DUSP16: variants seen among roughly 807,000 people sequenced by gnomAD.
The protein encoded by DUSP16 is dual specificity protein phosphatase 16.
In DUSP16, 21 loss-of-function variants were observed where a neutral mutation model predicts 58.3. The observed-to-expected ratio is 0.36, with a 90% CI of 0.26 to 0.52. The LOEUF is 0.52. Ranked by LOEUF, DUSP16 falls within the 20% of genes least tolerant of loss-of-function variation. The pLI is 0.94. For synonymous variants in DUSP16, 320 were observed against 323.8 expected (o/e 0.99, Z 0.12); for missense variants, 726 against 819.0 (o/e 0.89, Z 1.39).
chr12:12,506,186 CTG>C (rs1413157286), intron 3 of DUSP16: 3 of 152,230 alleles, frequency 2.0e-5, no homozygotes, highest in Non-Finnish European at 2.9e-5. Flanking sequence ...TAAAAACTAA[CTG>C]TGGCCTCACC....
At chr12:12,480,434 C>T (rs1314510383) in intron 5 of DUSP16, 88 bp from the exon 6 acceptor site, 30 of 1,490,962 alleles carry the variant, frequency 2.0e-5, no homozygotes, top group Non-Finnish European at 2.6e-5. Flanking sequence ...CAGTGTCTTC[C>T]ACCTGAAAAC....
intron 1 of DUSP16, among the ~76,000 whole-genome samples, chr12:12,544,758 T>C: frequency 6.6e-6 from 1 of 151,892 alleles, no homozygotes; most frequent in Non-Finnish European, 1.5e-5. Context: ...TTTTTTAACC[T>C]TTCGCATTGA....
intron 1 of DUSP16, among the ~76,000 whole-genome samples, chr12:12,533,239 A>G (rs998490376): frequency 1.3e-5 from 2 of 152,230 alleles, no homozygotes; most frequent in Non-Finnish European, 2.9e-5. Flanking sequence ...ATACTTGTAA[A>G]AGATCATTCA....
Position 12,520,903 on chromosome 12 carries a change from T to C in DUSP16, c.196A>G (p.Thr66Ala). 6.2e-7 allele frequency: 1 copy of C among 1,614,234 alleles called. No individual in the cohort carries two copies. The highest frequency in any genetic ancestry group is 1.3e-5 in the African/African-American group (1 of 75,066). ...RRLQQDKVLI[T>A]ELIQHSAKHK... ...TTCGCTGAATGCTGGATGAGCTCTG[T>C]AATTAACACTTTGTCCTGTTGCAAC... Residue 66 changes from threonine (T) to alanine (A), a missense_variant, in exon 2 of 7, where the codon ACA becomes GCA. Thr to Ala is a moderately conservative substitution (Grantham distance 58, BLOSUM62 0). Coordinates refer to ENST00000298573, the MANE Select transcript of DUSP16 (RefSeq NM_030640.3).
rs781208665 is a variant in DUSP16 at position 12,500,681 on chromosome 12, A to G, written c.369T>C (p.Gly123=). ...AACAACGAGAGAACTCAGCAAACCC[A>G]CCTAAGAATAAACATTATAAAATTA... ...KSFNSVHLLA[G]GFAEFSRCFP... is the part of the protein sequence containing the mutation. Residue 123 remains glycine, a splice_region_variant and synonymous_variant, in exon 4 of 7, where the codon GGT becomes GGC. Transcript: ENST00000298573. 2.6e-6 allele frequency: 4 copies of G among 1,567,810 alleles called. No homozygotes were observed. In the South Asian group the frequency reaches 3.6e-5, roughly 14 times the overall value.
At chr12:12,513,098 G>A (rs1488481406) in intron 3 of DUSP16, among the ~76,000 whole-genome samples, 1 of 152,090 alleles carries the variant, frequency 6.6e-6, no homozygotes, top group Non-Finnish European at 1.5e-5. Context: ...TTGTTCACTC[G>A]TAGGTCTAAC....
At chr12:12,481,597 TATAAC>T (rs1025080016) in intron 5 of DUSP16, among the ~76,000 whole-genome samples, 11 of 152,332 alleles carry the variant, frequency 7.2e-5, no homozygotes, top group African/African-American at 2.6e-4. Context: ...GATTATTATA[TATAAC>T]ATAATTATTC....
chr12:12,480,561 T>G (rs944547032), intron 5 of DUSP16, among the ~76,000 whole-genome samples: 1 of 152,172 alleles, frequency 6.6e-6, no homozygotes, highest in Non-Finnish European at 1.5e-5. Context: ...TCCAAAACTG[T>G]TTGTTAATAA....
intron 3 of DUSP16, among the ~76,000 whole-genome samples, chr12:12,502,574 G>C (rs141125318): frequency 4.0e-5 from 5 of 123,794 alleles, no homozygotes; most frequent in Non-Finnish European, 7.2e-5. Context: ...TTTTTGAGAC[G>C]AAGTTTTGCT....
At chr12:12,479,185 C>G (rs1164091172) in intron 6 of DUSP16, among the ~76,000 whole-genome samples, 1 of 151,616 alleles carries the variant, frequency 6.6e-6, no homozygotes, top group African/African-American at 2.4e-5. Context: ...GATGACAGAC[C>G]AATTCTTCAG....
rs544563861 is a variant in DUSP16 at position 12,546,361 on chromosome 12, A to G, written c.-366+15756T>C. Among the ~76,000 whole-genome samples, 56 of 152,356 alleles carry G rather than the reference A, an allele frequency of 3.7e-4. 1 individual carries two copies. The highest frequency in any genetic ancestry group is 7.1e-4 in the Non-Finnish European group (48 of 68,040). Reference sequence around the variant, plus strand: ...CCAAAGGGCCTAGATAATATTTTGCAATGAAACTGTCAGTGCTACCAAATA... The same window carrying G: ...CCAAAGGGCCTAGATAATATTTTGCGATGAAACTGTCAGTGCTACCAAATA... On this transcript the variant is annotated intron_variant, in intron 1 of 6. Transcript: ENST00000298573.
chr12:12,556,788 T>G lies in DUSP16; in HGVS notation c.-366+5329A>C, dbSNP rs548864070. 1.3e-3 allele frequency among the ~76,000 whole-genome samples: 193 copies of G among 152,344 alleles called. No homozygotes were observed. In the Middle Eastern group the frequency reaches 0.024, roughly 19 times the overall value. ...AGGAAAGATCAAGACTTCCCCATTT[T>G]GGAACATCTTTGCTTCAGGTTTTTA... is the stretch of plus-strand genomic sequence containing the variant. On this transcript the variant is annotated intron_variant, in intron 1 of 6. Transcript: ENST00000298573.
At chr12:12,522,225 G>A (rs1271828237) in intron 1 of DUSP16, among the ~76,000 whole-genome samples, 1 of 152,072 alleles carries the variant, frequency 6.6e-6, no homozygotes, top group Non-Finnish European at 1.5e-5. Context: ...GTTGCTTAAG[G>A]CCCTGTAAGC....
At chr12:12,538,043 C>CTGGAGAT (rs1944495643) in intron 1 of DUSP16, among the ~76,000 whole-genome samples, 2 of 152,188 alleles carry the variant, frequency 1.3e-5, no homozygotes, top group African/African-American at 4.8e-5. Flanking sequence ...AGGCCCACCT[C>CTGGAGAT]TGGAGATTGA....
At chr12:12,549,147 A>G (rs776276820) in intron 1 of DUSP16, among the ~76,000 whole-genome samples, 5 of 152,122 alleles carry the variant, frequency 3.3e-5, no homozygotes, top group Admixed American at 6.5e-5. Flanking sequence ...TAGCCTCTTT[A>G]CCATCGACAT....
At chr12:12,551,717 G>A (rs1944730862) in intron 1 of DUSP16, among the ~76,000 whole-genome samples, 1 of 147,426 alleles carries the variant, frequency 6.8e-6, no homozygotes, top group Admixed American at 6.8e-5. Context: ...TTCCGAGATG[G>A]AATATCGCTC....
At chr12:12,519,813 T>C in intron 3 of DUSP16, 49 bp downstream of exon 3, 4 of 1,605,348 alleles carry the variant, frequency 2.5e-6, no homozygotes, top group Non-Finnish European at 3.4e-6. Flanking sequence ...TGCTTACTCA[T>C]ACAGCTCAGC....
intron 1 of DUSP16, among the ~76,000 whole-genome samples, chr12:12,528,235 C>T (rs1016798058): frequency 1.3e-4 from 19 of 151,994 alleles, no homozygotes; most frequent in Non-Finnish European, 1.6e-4. Flanking sequence ...TCCTGGCCCA[C>T]AGGCTCCTTC....
chr12:12,548,068 C>A lies in DUSP16; in HGVS notation c.-366+14049G>T, dbSNP rs553712354. On this transcript the variant is annotated intron_variant, in intron 1 of 6. Transcript: ENST00000298573. ...GAGATGACAGTTACTGTACTCCACT[C>A]ACTCCATTTTTGTATCCCTGAACTA... is the stretch of plus-strand genomic sequence containing the variant. Among the ~76,000 whole-genome samples the A allele has an allele frequency of 1.2e-4, 19 of 152,292 alleles. No homozygotes were observed. The Middle Eastern group carries it at 0.01, about 82-fold the overall frequency.
Sources: allele counts gnomAD v4.1 joint callset (sites outside exome capture counted in the v4.1 genomes callset), GRCh38; gene constraint gnomAD v4.1.1; transcripts MANE v1.5; gene names NCBI Gene and HGNC (gene_info 2026-07-23, HGNC 2026-07-21).